Variants in ZNF565 observed in about 807,000 individuals in gnomAD.
ZNF565 encodes zinc finger protein 565.
A neutral mutation model predicts 39.4 loss-of-function variants in ZNF565; 27 were observed. The ratio of observed to expected loss-of-function variants is 0.69; its 90% CI spans 0.51 to 0.95. The LOEUF (loss-of-function observed/expected upper bound fraction) is 0.95. Among genes scored for constraint, ZNF565 ranks in the 40% least tolerant of loss-of-function variants. ZNF565 has a pLI of 0.00. For missense variants in ZNF565, 524 were observed against 621.1 expected (o/e 0.84, Z 1.66); for synonymous variants, 185 against 216.6 (o/e 0.85, Z 1.28).
At chr19:36,236,914 T>C (rs148930642) in intron 1 of ZNF565, 1 of 1,614,042 alleles carries the variant, frequency 6.2e-7, no homozygotes, top group African/African-American at 1.3e-5. Flanking sequence ...CTTTTAAATG[T>C]AGTGAATGTG....
At chr19:36,239,587 C>T (rs1339518945) in intron 1 of ZNF565, among the ~76,000 whole-genome samples, 1 of 152,138 alleles carries the variant, frequency 6.6e-6, no homozygotes, top group Non-Finnish European at 1.5e-5. Flanking sequence ...TGTTCAAGTG[C>T]TGCCATTACA....
chr19:36,185,905 G>A (rs1041599389), intron 4 of ZNF565, among the ~76,000 whole-genome samples: 3 of 151,618 alleles, frequency 2.0e-5, no homozygotes, highest in Non-Finnish European at 4.4e-5. Context: ...TGTTGGCCAG[G>A]CTGGTCTCAA....
intron 1 of ZNF565, among the ~76,000 whole-genome samples, chr19:36,205,679 T>C (rs969413956): frequency 6.6e-6 from 1 of 150,914 alleles, no homozygotes; most frequent in African/African-American, 2.5e-5. Flanking sequence ...TGAGAGGTAC[T>C]TGTACTTTTC....
At chr19:36,187,620 T>C (rs1368083039) in intron 4 of ZNF565, among the ~76,000 whole-genome samples, 1 of 150,536 alleles carries the variant, frequency 6.6e-6, no homozygotes, top group Non-Finnish European at 1.5e-5. Flanking sequence ...CCTCCCAAAG[T>C]GCTGGGATTA....
chr19:36,213,990 TCA>T (rs1349820768), intron 1 of ZNF565, among the ~76,000 whole-genome samples: 4 of 151,842 alleles, frequency 2.6e-5, no homozygotes, highest in African/African-American at 7.3e-5. Flanking sequence ...CCTCATATAG[TCA>T]CAGTCACACA....
chr19:36,221,284 CTTTTTTTTTT>C (rs74172797), intron 1 of ZNF565, among the ~76,000 whole-genome samples: 1 of 98,700 alleles, frequency 1.0e-5, no homozygotes. Context: ...TAAGGGACTG[CTTTTTTTTTT>C]TTTTTTTTTT....
upstream of ZNF565, among the ~76,000 whole-genome samples, chr19:36,219,119 T>A (rs1197266928): frequency 6.6e-6 from 1 of 152,178 alleles, no homozygotes; most frequent in African/African-American, 2.4e-5. Flanking sequence ...CTTAAAATTT[T>A]CTGTGGATAT....
intron 1 of ZNF565, among the ~76,000 whole-genome samples, chr19:36,238,974 G>A (rs933123950): frequency 5.9e-5 from 9 of 152,062 alleles, no homozygotes; most frequent in African/African-American, 1.4e-4. Flanking sequence ...CAGGTTGTGC[G>A]CTTCTTATGA....
intron 1 of ZNF565, among the ~76,000 whole-genome samples, chr19:36,207,270 A>G (rs1976189597): frequency 1.3e-5 from 2 of 152,170 alleles, no homozygotes; most frequent in Non-Finnish European, 2.9e-5. Context: ...GGGGCGGGGC[A>G]CAGTGGCTCA....
chr19:36,211,905 T>A (rs1174675301), intron 1 of ZNF565, among the ~76,000 whole-genome samples: 2 of 151,918 alleles, frequency 1.3e-5, no homozygotes, highest in South Asian at 4.2e-4. Flanking sequence ...CAGGCAAGCG[T>A]CATCAACGGA....
intron 1 of ZNF565, among the ~76,000 whole-genome samples, chr19:36,239,678 G>C (rs1977764998): frequency 6.6e-6 from 1 of 152,092 alleles, no homozygotes; most frequent in African/African-American, 2.4e-5. Context: ...ACAGTTCAGT[G>C]CATTAGATAC....
chr19:36,222,477 AAGTACTT>A (rs1976888951), intron 1 of ZNF565, among the ~76,000 whole-genome samples: 1 of 152,210 alleles, frequency 6.6e-6, no homozygotes, highest in Non-Finnish European at 1.5e-5. Context: ...CCCAGTGGGT[AAGTACTT>A]ACACTCCCAC....
At chr19:36,232,362 T>C (rs1977419639) in intron 1 of ZNF565, among the ~76,000 whole-genome samples, 1 of 152,200 alleles carries the variant, frequency 6.6e-6, no homozygotes, top group Non-Finnish European at 1.5e-5. Context: ...TTGTTACTTC[T>C]GCCTTTTTTC....
intron 1 of ZNF565, among the ~76,000 whole-genome samples, chr19:36,243,792 C>T (rs1023030927): frequency 6.6e-6 from 1 of 151,982 alleles, no homozygotes; most frequent in Non-Finnish European, 1.5e-5. Flanking sequence ...GCCTTGACCC[C>T]TTGGGCTCAA....
chr19:36,194,952 G>C (rs1241458584), intron 3 of ZNF565, 78 bp downstream of exon 3: 1 of 1,607,282 alleles, frequency 6.2e-7, no homozygotes, highest in Non-Finnish European at 8.5e-7. Flanking sequence ...CATTTAGGCA[G>C]AGATGGAAAC....
intron 2 of ZNF565, 63 bp downstream of exon 2, chr19:36,201,914 C>T (rs1178891162): frequency 3.8e-6 from 6 of 1,580,250 alleles, no homozygotes; most frequent in Non-Finnish European, 5.2e-6. Context: ...ATAAAGAACA[C>T]AGTGTCCATA....
At chr19:36,242,675 A>G (rs1185617392) in intron 1 of ZNF565, among the ~76,000 whole-genome samples, 2 of 152,188 alleles carry the variant, frequency 1.3e-5, no homozygotes, top group Non-Finnish European at 2.9e-5. Flanking sequence ...CAGTGAGCCA[A>G]GATCATGCCA....
chr19:36,196,917 C>T (rs1380573173), intron 2 of ZNF565, among the ~76,000 whole-genome samples: 1 of 152,012 alleles, frequency 6.6e-6, no homozygotes, highest in African/African-American at 2.4e-5. Flanking sequence ...ATTAGCTGCG[C>T]GTGGTGGCAG....
chr19:36,198,323 G>T (rs577127574), intron 2 of ZNF565, among the ~76,000 whole-genome samples: 1 of 152,214 alleles, frequency 6.6e-6, no homozygotes, highest in Admixed American at 6.5e-5. Context: ...ATGAGATCTG[G>T]TCATCTGCAA....
Sources: gnomAD v4.1 joint callset for allele counts (sites outside exome capture counted in the v4.1 genomes callset) on GRCh38, gnomAD v4.1.1 for gene constraint, MANE v1.5 for transcripts, NCBI Gene and HGNC (gene_info 2026-07-23, HGNC 2026-07-21) for gene names.